Variants in SFI1 observed in about 807,000 individuals in gnomAD.
The protein encoded by SFI1 is protein SFI1 homolog.
A neutral mutation model predicts 207.5 loss-of-function variants in SFI1; 195 were observed. The observed-to-expected ratio is 0.94, with a 90% CI of 0.84 to 1.06. The LOEUF is 1.06. Among genes scored for constraint, SFI1 ranks in the 50% least tolerant of loss-of-function variants. The pLI is 0.00. For synonymous variants in SFI1, 630 were observed against 598.9 expected, an observed-to-expected ratio of 1.05 and a Z score of -0.76; for missense variants, 1,634 against 1,588.0, an observed-to-expected ratio of 1.03 and a Z score of -0.49.
chr22:31,521,222 T>C, intron 2 of SFI1: 1 of 182,322 alleles, frequency 5.5e-6, no homozygotes, highest in Non-Finnish European at 1.3e-5. Context: ...TGTTGTTCTT[T>C]CTTCCCAATC....
intron 12 of SFI1, among the ~76,000 whole-genome samples, chr22:31,582,301 G>A (rs1303043272): frequency 7.9e-6 from 1 of 127,086 alleles, no homozygotes; most frequent in Non-Finnish European, 1.6e-5. Flanking sequence ...AGGCTGGAGT[G>A]CAGTAAGTAG....
chr22:31,606,479 T>C (rs2068990897), intron 21 of SFI1, 49 bp downstream of exon 21: 2 of 1,510,490 alleles, frequency 1.3e-6, no homozygotes, highest in Non-Finnish European at 1.8e-6. Context: ...TGGGACTGTG[T>C]TCTGGTGAGG....
chr22:31,585,066 A>G lies in SFI1; in HGVS notation c.1347-2A>G. 6.2e-7 allele frequency: 1 copy of G among 1,611,594 alleles called. No homozygotes were observed. The highest frequency in any genetic ancestry group is 1.1e-5 in the South Asian group (1 of 90,304). On this transcript the variant is annotated splice_acceptor_variant, in intron 13 of 32. Transcript: ENST00000400288. LOFTEE classifies it high-confidence loss of function. ...CTGAAGGTGTTCTTCCTTTTGTTTC[A>G]GAATAGCACTGCTGTGCAAATGTAT...
chr22:31,542,101 TAA>T (rs10651316), intron 4 of SFI1, among the ~76,000 whole-genome samples: 15 of 114,418 alleles, frequency 1.3e-4, no homozygotes, highest in Admixed American at 2.0e-4. Context: ...ACCCCGTCTT[TAA>T]AAAAAAAAAA....
Position 31,613,516 on chromosome 22 carries a change from C to T in SFI1, c.2728C>T (p.Gln910Ter). ...MKASRQQLQA[Q>*]QQVQAAHSLH... ...GGCCTCCCGGCAGCAGCTGCAGGCC[C>T]AGCAGCAGGTCCAGGTAGGCCCAGG... The change falls in exon 26 of 33, where the codon CAG becomes TAG. Residue 910 changes from glutamine to a stop codon, truncating the protein, a stop_gained. Transcript: ENST00000400288. LOFTEE classifies it high-confidence loss of function. 1 of 1,591,796 alleles carries T rather than the reference C, an allele frequency of 6.3e-7. No individual in the cohort carries two copies. Among genetic ancestry groups the T allele is most frequent in the Non-Finnish European group, 8.5e-7 (1 of 1,173,308 alleles).
intron 2 of SFI1, among the ~76,000 whole-genome samples, chr22:31,522,565 C>T (rs761484043): frequency 1.1e-4 from 17 of 152,218 alleles, no homozygotes; most frequent in Admixed American, 5.2e-4. Flanking sequence ...GTTCTAGGTA[C>T]CTCATGTAAG....
chr22:31,522,758 C>T (rs113351931), intron 2 of SFI1, among the ~76,000 whole-genome samples: 4,335 of 152,048 alleles, frequency 0.029, 100 homozygotes, highest in South Asian at 0.079. Context: ...CGTGTTTAAG[C>T]GATTCTCTTG....
intron 31 of SFI1, 72 bp downstream of exon 31, chr22:31,617,150 T>TCGAA (rs2071709416): frequency 4.5e-6 from 7 of 1,541,590 alleles, no homozygotes; most frequent in Non-Finnish European, 6.2e-6. Context: ...GGCAGGCAGT[T>TCGAA]CCATTTCCCC....
At chr22:31,581,370 C>T (rs1211288657) in intron 12 of SFI1, among the ~76,000 whole-genome samples, 1 of 151,292 alleles carries the variant, frequency 6.6e-6, no homozygotes, top group African/African-American at 2.4e-5. Context: ...CTCACTGCAA[C>T]CTCCACCTCC....
chr22:31,519,353 C>A (rs886894752), intron 2 of SFI1, among the ~76,000 whole-genome samples: 1 of 150,886 alleles, frequency 6.6e-6, no homozygotes, highest in Non-Finnish European at 1.5e-5. Flanking sequence ...TCACTGCAGC[C>A]TTGAACTCCT....
At chr22:31,498,807 T>C (rs1569141553) in intron 1 of SFI1, among the ~76,000 whole-genome samples, 1 of 151,768 alleles carries the variant, frequency 6.6e-6, no homozygotes, top group Admixed American at 6.6e-5. Context: ...ATGTGACCAA[T>C]TGCTGCAACC....
At chr22:31,573,404 C>T (rs2063147808) in intron 9 of SFI1, among the ~76,000 whole-genome samples, 190 bp downstream of exon 9, 1 of 151,416 alleles carries the variant, frequency 6.6e-6, no homozygotes, top group African/African-American at 2.4e-5. Context: ...ATTTATATAT[C>T]TGTATCTATA....
intron 10 of SFI1, among the ~76,000 whole-genome samples, chr22:31,576,262 T>A (rs2063486653): frequency 6.6e-6 from 1 of 151,652 alleles, no homozygotes; most frequent in Admixed American, 6.6e-5. Context: ...TGACTTCAGG[T>A]GATCCACCCA....
chr22:31,596,918 C>G (rs950015899), intron 15 of SFI1, among the ~76,000 whole-genome samples: 7 of 150,588 alleles, frequency 4.6e-5, no homozygotes, highest in Admixed American at 4.0e-4. Context: ...GACACGCACA[C>G]ACGGTACCCG....
At chr22:31,542,101 TAAAAA>T (rs10651316) in intron 4 of SFI1, among the ~76,000 whole-genome samples, 1 of 114,440 alleles carries the variant, frequency 8.7e-6, no homozygotes, top group Non-Finnish European at 1.7e-5. Flanking sequence ...ACCCCGTCTT[TAAAAA>T]AAAAAAAAAA....
At chr22:31,502,220 C>G (rs1363875669) in intron 1 of SFI1, among the ~76,000 whole-genome samples, 2 of 152,270 alleles carry the variant, frequency 1.3e-5, no homozygotes, top group East Asian at 3.9e-4. Context: ...GTTACAGGAA[C>G]TTAAATCTTG....
At chr22:31,514,852 A>C (rs889124501) in intron 2 of SFI1, among the ~76,000 whole-genome samples, 1 of 151,436 alleles carries the variant, frequency 6.6e-6, no homozygotes, top group African/African-American at 2.4e-5. Context: ...GCTCACTGCA[A>C]CCTCTACCTC....
chr22:31,498,466 C>T (rs1344955202), intron 1 of SFI1, among the ~76,000 whole-genome samples: 1 of 151,820 alleles, frequency 6.6e-6, no homozygotes, highest in Non-Finnish European at 1.5e-5. Flanking sequence ...GCCTGGCCAA[C>T]TTGAAGAAAC....
chr22:31,599,131 C>T (rs556028469), intron 15 of SFI1, among the ~76,000 whole-genome samples: 1 of 148,874 alleles, frequency 6.7e-6, no homozygotes, highest in South Asian at 2.3e-4. Context: ...ATTTTAGGGT[C>T]CTCCCTAAGA....
Sources: allele counts gnomAD v4.1 joint callset (sites outside exome capture counted in the v4.1 genomes callset), GRCh38; gene constraint gnomAD v4.1.1; transcripts MANE v1.5; gene names NCBI Gene and HGNC (gene_info 2026-07-23, HGNC 2026-07-21).